The following HTR2C variants were observed in gnomAD, a reference collection of about 807,000 sequenced individuals.
HTR2C encodes the protein 5-hydroxytryptamine (serotonin) receptor 2C, G protein-coupled.
Under a neutral mutation model 21.0 loss-of-function variants are expected in HTR2C, and 5 were observed. The observed-to-expected ratio is 0.24, with a 90% CI of 0.12 to 0.50. The LOEUF (loss-of-function observed/expected upper bound fraction) is 0.50. Among genes scored for constraint, HTR2C ranks in the 20% least tolerant of loss-of-function variants. The probability of loss-of-function intolerance (pLI) is 0.98; values close to 1 mark genes in which losing one functional copy is unlikely to be tolerated. For missense variants in HTR2C, 271 were observed against 371.2 expected (o/e 0.73, Z 2.22); for synonymous variants, 150 against 145.3 (o/e 1.03, Z -0.23).
chrX:114,641,031 CCTTTCTTTCTTT>C (rs78437727), intron 2 of HTR2C, among the ~76,000 whole-genome samples: 3 of 84,095 alleles, frequency 3.6e-5, no homozygotes, highest in Admixed American at 3.0e-4. Flanking sequence ...TTTCTTTCTT[CCTTTCTTTCTTT>C]CTTTCTTTCT....
rs782709803 is a variant in HTR2C, at chrX:114,908,869, T to C, written c.*1454T>C. 1 of 112,818 alleles carries C rather than the reference T, an allele frequency of 8.9e-6. No individual in the cohort carries two copies. Among genetic ancestry groups the C allele is most frequent in the Admixed American group, 9.4e-5 (1 of 10,642 alleles). 9.3% of individuals were successfully genotyped at this position (112,818 alleles called of 1,213,427 possible). On this transcript the variant is annotated 3_prime_UTR_variant, in exon 6 of 6. Coordinates refer to ENST00000276198, the MANE Select transcript of HTR2C (RefSeq NM_000868.4). ...GCTGTGTGCAGAGTATACAAGTGTT[T>C]CTAGTAACAGTATTTCCATACGTGC...
chrX:114,633,308 A>T (rs1417141053), intron 2 of HTR2C, among the ~76,000 whole-genome samples: 1 of 112,306 alleles, frequency 8.9e-6, no homozygotes, highest in Non-Finnish European at 1.9e-5. Context: ...AAAGACTATG[A>T]ATTCTCTTTG....
At chrX:114,803,444 T>A (rs1443913463) in intron 4 of HTR2C, among the ~76,000 whole-genome samples, 2 of 102,471 alleles carry the variant, frequency 2.0e-5, no homozygotes, top group African/African-American at 7.0e-5. Flanking sequence ...TGAAATGGTA[T>A]CTCATTGTGG....
chrX:114,632,353 C>T (rs1202045008), intron 2 of HTR2C, among the ~76,000 whole-genome samples: 18 of 111,345 alleles, frequency 1.6e-4, no homozygotes, highest in African/African-American at 5.5e-4. Flanking sequence ...AGGACATGGC[C>T]CTCATTAACC....
chrX:114,630,008 GA>G (rs782034511), intron 2 of HTR2C, among the ~76,000 whole-genome samples: 31 of 111,042 alleles, frequency 2.8e-4, no homozygotes, highest in Non-Finnish European at 2.6e-4. Flanking sequence ...ATGGCTGCTT[GA>G]GGTGGCAGAT....
Position 114,789,085 on chromosome X carries a change from A to T in HTR2C, c.349+57478A>T, listed in dbSNP as rs186716017. Among the ~76,000 whole-genome samples the T allele has an allele frequency of 8.9e-5, 10 of 112,462 alleles. No homozygotes were observed. In the East Asian group the frequency reaches 2.8e-3, roughly 31 times the overall value. On this transcript the variant is annotated intron_variant, in intron 4 of 5. Coordinates refer to ENST00000276198, the MANE Select transcript of HTR2C (RefSeq NM_000868.4). ...AACTGAAAGAACTATTCGAAAAATT[A>T]CAGTTCTCAAGAAAGCTGAGGCCTC...
chrX:114,875,480 T>C (rs142413862), intron 5 of HTR2C, among the ~76,000 whole-genome samples: 2,670 of 111,750 alleles, frequency 0.024, 87 homozygotes, highest in African/African-American at 0.083. Flanking sequence ...TAAAAAATTA[T>C]TGCCAAGACC....
intron 5 of HTR2C, among the ~76,000 whole-genome samples, chrX:114,871,983 T>G (rs781883071): frequency 4.6e-5 from 4 of 86,642 alleles, no homozygotes; most frequent in Admixed American, 1.5e-4. Context: ...ATAATACAGT[T>G]TATTTGTCAT....
chrX:114,726,777 A>T (rs782667775), intron 2 of HTR2C, 81 bp from the exon 3 acceptor site: 1 of 407,422 alleles, frequency 2.5e-6, no homozygotes, highest in African/African-American at 2.7e-5. Flanking sequence ...CATTAAGTGC[A>T]TTTAAGTTTA....
At chrX:114,872,387 G>T (rs1472443607) in intron 5 of HTR2C, among the ~76,000 whole-genome samples, 1 of 110,438 alleles carries the variant, frequency 9.1e-6, no homozygotes, top group Non-Finnish European at 1.9e-5. Context: ...TTTGAAGGGG[G>T]AGATAAGGTT....
At chrX:114,600,993 T>A (rs980899548) in intron 1 of HTR2C, among the ~76,000 whole-genome samples, 3 of 111,568 alleles carry the variant, frequency 2.7e-5, no homozygotes, top group South Asian at 3.7e-4. Context: ...ATGACTTGAT[T>A]TTTAAATAAA....
chrX:114,692,458 T>A (rs979267602), intron 2 of HTR2C, among the ~76,000 whole-genome samples: 1 of 111,810 alleles, frequency 8.9e-6, no homozygotes, highest in Non-Finnish European at 1.9e-5. Flanking sequence ...TTATAACATA[T>A]AATTAGAAGA....
In HTR2C at chrX:114,878,433, A is replaced by G. The variant is rs187214785; in HGVS notation, c.551-28156A>G. On this transcript the variant is annotated intron_variant, in intron 5 of 5. Coordinates refer to ENST00000276198, the MANE Select transcript of HTR2C (RefSeq NM_000868.4). ...ACAAAGTTTTTCATTAATGTCCACT[A>G]TTAGTTTTTATATCTTATCCAGAAT... Among the ~76,000 whole-genome samples, 11 of 111,064 alleles carry G rather than the reference A, an allele frequency of 9.9e-5. No individual in the cohort carries two copies. In the East Asian group the frequency reaches 2.8e-3, roughly 28 times the overall value.
intron 4 of HTR2C, among the ~76,000 whole-genome samples, chrX:114,808,735 T>G (rs1556451729): frequency 8.9e-6 from 1 of 111,882 alleles, no homozygotes; most frequent in Non-Finnish European, 1.9e-5. Flanking sequence ...GAGCCCCTTT[T>G]TGTATGACTG....
At position 114,785,520 on chromosome X, in the gene HTR2C, AT is replaced by A. The variant is rs1318475751; in HGVS notation, c.349+53916del. 4.5e-5 allele frequency among the ~76,000 whole-genome samples: 5 copies of A among 111,855 alleles called. No homozygotes were observed. The Admixed American group carries it at 4.8e-4, about 11-fold the overall frequency. On this transcript the variant is annotated intron_variant, in intron 4 of 5. Transcript: ENST00000276198. ...TGTATTTACAGCTTTAACAGATTAGATTTGCAGATTGATATGGAGAGAATGG... is the reference window on the plus strand; with the variant it reads ...TGTATTTACAGCTTTAACAGATTAGATTGCAGATTGATATGGAGAGAATGG...
chrX:114,717,641 C>T (rs200553588), intron 2 of HTR2C: 11 of 111,613 alleles, frequency 9.9e-5, no homozygotes, highest in South Asian at 3.7e-4. Context: ...GATTGAAACA[C>T]GACCAATCTT....
At chrX:114,756,850 G>A (rs1209548856) in intron 4 of HTR2C, among the ~76,000 whole-genome samples, 1 of 110,909 alleles carries the variant, frequency 9.0e-6, no homozygotes, top group Non-Finnish European at 1.9e-5. Flanking sequence ...GGGCACATGT[G>A]ATCTCTCGGC....
chrX:114,843,243 A>G (rs1376996847), intron 4 of HTR2C, among the ~76,000 whole-genome samples: 7 of 111,885 alleles, frequency 6.3e-5, no homozygotes, highest in Non-Finnish European at 1.3e-4. Context: ...CCAGAAGAAC[A>G]ATGTCTCAAG....
chrX:114,893,330 G>C (rs952198056), intron 5 of HTR2C, among the ~76,000 whole-genome samples: 1 of 111,629 alleles, frequency 9.0e-6, no homozygotes, highest in Non-Finnish European at 1.9e-5. Flanking sequence ...AAGTAATCAA[G>C]AGAGTGGTTA....
Sources: allele counts gnomAD v4.1 joint callset (sites outside exome capture counted in the v4.1 genomes callset), GRCh38; gene constraint gnomAD v4.1.1; transcripts MANE v1.5; gene names NCBI Gene and HGNC (gene_info 2026-07-23, HGNC 2026-07-21).